Variants in AGTPBP1 observed in about 807,000 individuals in gnomAD.
AGTPBP1 encodes cytosolic carboxypeptidase 1.
Under a neutral mutation model 143.9 loss-of-function variants are expected in AGTPBP1, and 70 were observed. That is an observed-to-expected ratio of 0.49 (90% CI 0.40 to 0.59). The LOEUF is 0.59. Ranked by LOEUF, AGTPBP1 falls within the 20% of genes least tolerant of loss-of-function variation. AGTPBP1 has a pLI of 0.00. For missense variants in AGTPBP1, 1,229 were observed against 1,464.5 expected (o/e 0.84, Z 2.62); for synonymous variants, 463 against 500.2 (o/e 0.93, Z 0.99).
intron 24 of AGTPBP1, among the ~76,000 whole-genome samples, chr9:85,575,918 T>C (rs1389862831): frequency 1.3e-5 from 2 of 152,190 alleles, no homozygotes; most frequent in African/African-American, 4.8e-5. Context: ...TTATAGATAC[T>C]TCTACTGTAT....
chr9:85,640,647 G>A (rs1467620535), intron 13 of AGTPBP1, among the ~76,000 whole-genome samples: 2 of 152,160 alleles, frequency 1.3e-5, no homozygotes, highest in Non-Finnish European at 2.9e-5. Flanking sequence ...TTCATAAAGT[G>A]CCATGTAGGA....
the AGTPBP1 span, among the ~76,000 whole-genome samples, chr9:85,747,127 G>A: frequency 1.3e-5 from 2 of 152,228 alleles, no homozygotes; most frequent in Non-Finnish European, 1.5e-5. Context: ...AAAGTATTGG[G>A]ATTACAGGCC....
the AGTPBP1 span, among the ~76,000 whole-genome samples, chr9:85,801,283 G>A: frequency 6.6e-6 from 1 of 152,106 alleles, no homozygotes; most frequent in Non-Finnish European, 1.5e-5. Context: ...CTGCACTCTG[G>A]CCTGGTTGAC....
the AGTPBP1 span, among the ~76,000 whole-genome samples, chr9:85,802,522 C>T: frequency 6.6e-6 from 1 of 152,042 alleles, no homozygotes; most frequent in Non-Finnish European, 1.5e-5. Context: ...GGAAACTTTA[C>T]CATGTTCTTT....
At chr9:85,687,006 A>C (rs1275736580) in intron 3 of AGTPBP1, among the ~76,000 whole-genome samples, 1 of 152,202 alleles carries the variant, frequency 6.6e-6, no homozygotes, top group Non-Finnish European at 1.5e-5. Flanking sequence ...TTTAGATTCC[A>C]AGGTACAAAC....
intron 21 of AGTPBP1, among the ~76,000 whole-genome samples, chr9:85,587,399 G>A (rs1205106548): frequency 4.6e-5 from 7 of 152,100 alleles, no homozygotes; most frequent in Non-Finnish European, 1.0e-4. Flanking sequence ...ACAAGTATAT[G>A]AAAAGTATAC....
intron 6 of AGTPBP1, among the ~76,000 whole-genome samples, chr9:85,674,864 A>G (rs1368744488): frequency 6.6e-6 from 1 of 152,200 alleles, no homozygotes; most frequent in Non-Finnish European, 1.5e-5. Context: ...CTCAAAGTTT[A>G]AAACTCACAT....
chr9:85,682,011 G>A (rs1186738684), intron 3 of AGTPBP1, among the ~76,000 whole-genome samples: 1 of 151,362 alleles, frequency 6.6e-6, no homozygotes, highest in Non-Finnish European at 1.5e-5. Context: ...GCTTCCCAAA[G>A]TGCTGGGATT....
chr9:85,602,191 A>G (rs1353647163), intron 17 of AGTPBP1, among the ~76,000 whole-genome samples: 2 of 152,198 alleles, frequency 1.3e-5, no homozygotes, highest in Non-Finnish European at 2.9e-5. Flanking sequence ...ATTCAAAATA[A>G]TGGTATCAAA....
chr9:85,777,691 G>T, the AGTPBP1 span, among the ~76,000 whole-genome samples: 1 of 152,200 alleles, frequency 6.6e-6, no homozygotes, highest in Non-Finnish European at 1.5e-5. Flanking sequence ...ACTCAGAGAG[G>T]TCCATCCACA....
chr9:85,736,978 C>T (rs1041779800), intron 1 of AGTPBP1, among the ~76,000 whole-genome samples: 20 of 152,104 alleles, frequency 1.3e-4, no homozygotes, highest in Admixed American at 1.2e-3. Context: ...TGGTGGTAGG[C>T]GCCTGTAGTC....
chr9:85,792,237 C>T, the AGTPBP1 span: 2 of 152,284 alleles, frequency 1.3e-5, no homozygotes, highest in Middle Eastern at 3.4e-3. Flanking sequence ...TGTAGTTGCA[C>T]TTCACTGTCT....
chr9:85,650,211 T>C (rs1833072702), intron 11 of AGTPBP1, among the ~76,000 whole-genome samples: 1 of 152,176 alleles, frequency 6.6e-6, no homozygotes, highest in African/African-American at 2.4e-5. Flanking sequence ...ATATTAGTTA[T>C]TCATATTTTC....
rs142976965 is a variant in AGTPBP1 at position 85,700,646 on chromosome 9, G to A, written c.33-7833C>T. 1.2e-3 allele frequency among the ~76,000 whole-genome samples: 178 copies of A among 152,238 alleles called. 1 individual carries two copies. Among genetic ancestry groups the A allele is most frequent in the African/African-American group, 4.2e-3 (173 of 41,550 alleles). On this transcript the variant is annotated intron_variant, in intron 2 of 25. Transcript: ENST00000357081. ...AGGCAGATGAGATGTGAGCCACTTC[G>A]CAAGTTTTGCTTTTAAGAATAAGAT...
At chr9:85,625,506 T>G (rs1291698730) in intron 14 of AGTPBP1, among the ~76,000 whole-genome samples, 2 of 152,240 alleles carry the variant, frequency 1.3e-5, no homozygotes, top group African/African-American at 4.8e-5. Context: ...ATAAGCGTAT[T>G]TTTTAAAAAT....
chr9:85,589,158 C>T (rs1002200738), intron 20 of AGTPBP1, among the ~76,000 whole-genome samples: 59 of 152,060 alleles, frequency 3.9e-4, no homozygotes, highest in African/African-American at 1.3e-3. Context: ...GCTACCAAAA[C>T]AATTGATAGG....
intron 1 of AGTPBP1, among the ~76,000 whole-genome samples, chr9:85,731,632 T>A (rs1838887288): frequency 6.6e-6 from 1 of 152,070 alleles, no homozygotes; most frequent in Non-Finnish European, 1.5e-5. Flanking sequence ...CCATTCTTTG[T>A]AGAGACCGGG....
intron 17 of AGTPBP1, among the ~76,000 whole-genome samples, chr9:85,606,392 GAA>G (rs34239208): frequency 1.0e-4 from 13 of 129,290 alleles, no homozygotes; most frequent in East Asian, 4.1e-4. Context: ...ATTAAAAAGA[GAA>G]AAAAAAAAAA....
the AGTPBP1 span, among the ~76,000 whole-genome samples, chr9:85,793,678 T>A: frequency 6.6e-6 from 1 of 152,202 alleles, no homozygotes; most frequent in South Asian, 2.1e-4. Flanking sequence ...TGAGGTATTC[T>A]TAGTAAGGTT....
Sources: gnomAD v4.1 joint callset for allele counts (sites outside exome capture counted in the v4.1 genomes callset) on GRCh38, gnomAD v4.1.1 for gene constraint, MANE v1.5 for transcripts, NCBI Gene and HGNC (gene_info 2026-07-23, HGNC 2026-07-21) for gene names.